The following NUSAP1 variants were observed in gnomAD, a reference collection of about 807,000 sequenced individuals.
NUSAP1 encodes nucleolar and spindle-associated protein 1.
Under a neutral mutation model 52.8 loss-of-function variants are expected in NUSAP1, and 32 were observed. That is an observed-to-expected ratio of 0.61 (90% CI 0.46 to 0.81). The LOEUF is 0.81. NUSAP1 is among the 40% of genes least tolerant of loss of function. The pLI, the probability that NUSAP1 is intolerant of heterozygous loss-of-function variation, is 0.00. For missense variants in NUSAP1, 499 were observed against 522.3 expected (o/e 0.96, Z 0.43); for synonymous variants, 195 against 183.1 (o/e 1.06, Z -0.52).
At chr15:41,369,647 TAA>T (rs750102656) in intron 7 of NUSAP1, among the ~76,000 whole-genome samples, 1 of 146,132 alleles carries the variant, frequency 6.8e-6, no homozygotes, top group African/African-American at 2.5e-5. Context: ...AAACATTGTC[TAA>T]AAAAAAAAGA....
Position 41,356,095 on chromosome 15 carries a change from T to A in NUSAP1, c.505T>A (p.Ser169Thr). 1 of 1,609,040 alleles carries A rather than the reference T, an allele frequency of 6.2e-7. No individual in the cohort carries two copies. Among genetic ancestry groups the A allele is most frequent in the Non-Finnish European group, 8.5e-7 (1 of 1,177,766 alleles). The change falls in exon 5 of 11, where the codon TCA (serine) becomes ACA (threonine). Residue 169 changes from serine (S) to threonine (T), a missense_variant. By Grantham distance (58) the Ser-to-Thr change is moderately conservative. Transcript: ENST00000559596. The stretch of plus-strand genomic sequence containing the variant: ...AAAGAAATCTCTCTACACAGATGAG[T>A]CATCCAAACCTGGAAAAAATAAAAG... ...EGKKSLYTDE[S>T]SKPGKNKRTA...
chr15:41,363,148 G>A (rs983862457), intron 6 of NUSAP1, among the ~76,000 whole-genome samples: 6 of 151,844 alleles, frequency 4.0e-5, no homozygotes, highest in African/African-American at 1.5e-4. Context: ...TTAGCCAGAC[G>A]TGGTGGCAGA....
intron 10 of NUSAP1, 133 bp from the exon 11 acceptor site, chr15:41,379,960 T>G (rs1260473218): frequency 9.1e-5 from 57 of 629,216 alleles, no homozygotes; most frequent in Non-Finnish European, 9.9e-5. Flanking sequence ...CACAGTGCCC[T>G]CTAAGAGTCT....
chr15:41,341,831 A>T (rs1037189221), intron 1 of NUSAP1, among the ~76,000 whole-genome samples: 10 of 152,152 alleles, frequency 6.6e-5, no homozygotes, highest in Admixed American at 6.6e-4. Context: ...CTGAGAGTAA[A>T]GTTCATACTC....
At chr15:41,371,482 C>G in intron 7 of NUSAP1, 45 bp from the exon 8 acceptor site, 1 of 1,480,574 alleles carries the variant, frequency 6.8e-7, no homozygotes, top group Non-Finnish European at 9.0e-7. Context: ...ACACAAGTTA[C>G]TCTTGCCACA....
Position 41,380,094 on chromosome 15 carries a change from G to C in NUSAP1, c.1234G>C (p.Glu412Gln). The change falls in exon 11 of 11, where the codon GAA (glutamate) becomes CAA (glutamine). Residue 412 changes from glutamate to glutamine, a missense_variant and splice_region_variant. Coordinates refer to ENST00000559596, the MANE Select transcript of NUSAP1 (RefSeq NM_016359.5). ...TAATGTGTGACCTATCCCTCTCAGG[G>C]AAGAGCAACGGAAGAAACGCGAGCA... The part of the protein sequence containing the change: ...TYKQPHLQTK[E>Q]EQRKKREQER... 5 of 1,574,912 alleles carry C rather than the reference G, an allele frequency of 3.2e-6. No individual in the cohort carries two copies. The highest frequency in any genetic ancestry group is 4.3e-6 in the Non-Finnish European group (5 of 1,160,196).
At chr15:41,335,681 C>A (rs2048096878) in intron 1 of NUSAP1, among the ~76,000 whole-genome samples, 1 of 139,420 alleles carries the variant, frequency 7.2e-6, no homozygotes, top group African/African-American at 2.6e-5. Flanking sequence ...TATAAATATA[C>A]TAAATATAGT....
chr15:41,357,898 T>C (rs1053103822), intron 5 of NUSAP1, among the ~76,000 whole-genome samples: 1 of 152,218 alleles, frequency 6.6e-6, no homozygotes, highest in African/African-American at 2.4e-5. Flanking sequence ...TCCTCTGGAT[T>C]AAACCAAGAT....
chr15:41,344,064 A>C (rs2048465470), intron 2 of NUSAP1: 1 of 151,248 alleles, frequency 6.6e-6, no homozygotes, highest in Non-Finnish European at 1.5e-5. Context: ...CTAAAATACA[A>C]AAATTAGCTG....
intron 7 of NUSAP1, among the ~76,000 whole-genome samples, chr15:41,367,089 C>A (rs947950293): frequency 2.0e-5 from 3 of 152,218 alleles, no homozygotes; most frequent in Non-Finnish European, 2.9e-5. Flanking sequence ...GGGGCTGTTT[C>A]TCAGCCCTGG....
intron 2 of NUSAP1, among the ~76,000 whole-genome samples, chr15:41,343,672 G>C (rs1022805443): frequency 2.0e-5 from 3 of 151,340 alleles, no homozygotes; most frequent in African/African-American, 7.3e-5. Context: ...TGTATTTTTA[G>C]TAGAGATGGG....
chr15:41,368,731 T>C (rs2049529819), intron 7 of NUSAP1, among the ~76,000 whole-genome samples: 1 of 74,966 alleles, frequency 1.3e-5, no homozygotes, highest in East Asian at 2.3e-4. Flanking sequence ...TTTTATTCTT[T>C]TTTTTTTTTT....
intron 2 of NUSAP1, among the ~76,000 whole-genome samples, chr15:41,347,840 G>A (rs2048635820): frequency 2.6e-5 from 4 of 151,034 alleles, no homozygotes; most frequent in South Asian, 2.1e-4. Context: ...GAAAGAAAAC[G>A]GACTGGGCAT....
rs781238150 is a variant in NUSAP1 at position 41,380,158 on chromosome 15, G to A, written c.1298G>A (p.Arg433Gln). The A allele has an allele frequency of 1.2e-5, 19 of 1,584,252 alleles. No individual in the cohort carries two copies. The highest frequency in any genetic ancestry group is 8.1e-5 in the South Asian group (7 of 86,380). ...KEKKAKVLGM[R>Q]RGLILAED ...AAGAAAGCAAAGGTTTTGGGAATGC[G>A]AAGGGGCCTCATTTTGGCTGAAGAT... The change falls in exon 11 of 11, where the codon CGA becomes CAA. Residue 433 changes from arginine to glutamine, a missense_variant. Transcript: ENST00000559596.
intron 2 of NUSAP1, among the ~76,000 whole-genome samples, chr15:41,342,854 G>T (rs914654431): frequency 1.3e-5 from 2 of 151,940 alleles, no homozygotes; most frequent in South Asian, 4.1e-4. Flanking sequence ...CAAAAAAAAA[G>T]ATATGCTGTT....
At chr15:41,378,554 G>C (rs1001025556) in intron 10 of NUSAP1, among the ~76,000 whole-genome samples, 1 of 152,212 alleles carries the variant, frequency 6.6e-6, no homozygotes, top group Non-Finnish European at 1.5e-5. Context: ...GGGAGGCCAA[G>C]GCGGGTGGAT....
At chr15:41,377,167 T>G (rs373963839) in intron 9 of NUSAP1, 29 bp from the exon 10 acceptor site, 1 of 1,165,254 alleles carries the variant, frequency 8.6e-7, no homozygotes. Context: ...ACAATCTTTT[T>G]AAAATTCTTT....
At chr15:41,342,215 C>T (rs1195965091) in intron 1 of NUSAP1, among the ~76,000 whole-genome samples, 171 bp from the exon 2 acceptor site, 1 of 152,196 alleles carries the variant, frequency 6.6e-6, no homozygotes, top group African/African-American at 2.4e-5. Context: ...TCTAACTTTC[C>T]CACTCAGATG....
intron 10 of NUSAP1, among the ~76,000 whole-genome samples, chr15:41,379,770 C>A (rs2050135192): frequency 6.6e-6 from 1 of 152,138 alleles, no homozygotes. Flanking sequence ...TGGTCTCGAA[C>A]TCCTGACCTC....
Sources: gnomAD v4.1 joint callset for allele counts (sites outside exome capture counted in the v4.1 genomes callset) on GRCh38, gnomAD v4.1.1 for gene constraint, MANE v1.5 for transcripts, NCBI Gene and HGNC (gene_info 2026-07-23, HGNC 2026-07-21) for gene names.